DDC: variants seen among roughly 807,000 people sequenced by gnomAD.
DDC encodes the protein aromatic-L-amino-acid decarboxylase.
Under a neutral mutation model 60.0 loss-of-function variants are expected in DDC, and 43 were observed. The ratio of observed to expected loss-of-function variants is 0.72; its 90% CI spans 0.56 to 0.92. The LOEUF is 0.92. DDC is among the 40% of genes least tolerant of loss of function. DDC has a pLI of 0.00. For synonymous variants in DDC, 232 were observed against 234.6 expected (o/e 0.99, Z 0.10); for missense variants, 573 against 620.2 (o/e 0.92, Z 0.81).
rs554304255 is a variant in DDC at position 50,460,409 on chromosome 7, G to C, written c.*19-1566C>G. Among the ~76,000 whole-genome samples the C allele has an allele frequency of 9.5e-5, 14 of 147,736 alleles. 1 individual carries two copies. Among genetic ancestry groups the C allele is most frequent in the Middle Eastern group, 3.5e-3 (1 of 284 alleles). On this transcript the variant is annotated intron_variant, in intron 14 of 14. Transcript: ENST00000444124. ...CAGCCGCCCCATCCGGGAGGAAGGT[G>C]GGGGGGTCAGCCCCCTGCCCGGCCA...
chr7:50,523,932 AG>A (rs567848397), intron 6 of DDC, among the ~76,000 whole-genome samples: 41 of 152,382 alleles, frequency 2.7e-4, no homozygotes, highest in African/African-American at 9.6e-4. Flanking sequence ...GTCCTTCAAT[AG>A]ATAAATGCAT....
At chr7:50,475,381 T>TA (rs2042618225) in intron 11 of DDC, among the ~76,000 whole-genome samples, 2 of 152,198 alleles carry the variant, frequency 1.3e-5, no homozygotes, top group Non-Finnish European at 2.9e-5. Flanking sequence ...AGTGTGCCCT[T>TA]ATGTGCACAC....
intron 10 of DDC, among the ~76,000 whole-genome samples, chr7:50,477,957 T>A (rs1252269120): frequency 1.3e-5 from 2 of 152,034 alleles, no homozygotes; most frequent in African/African-American, 2.4e-5. Context: ...ATCCCAGCAC[T>A]TTGAGAGGCC....
intron 1 of DDC, among the ~76,000 whole-genome samples, chr7:50,546,411 A>G (rs1426298456): frequency 6.6e-6 from 1 of 152,184 alleles, no homozygotes; most frequent in East Asian, 1.9e-4. Flanking sequence ...GTGGAAAATT[A>G]CTAAGAGGAA....
chr7:50,504,008 C>T lies in DDC; in HGVS notation c.766G>A (p.Glu256Lys). The T allele has an allele frequency of 1.9e-6, 3 of 1,613,764 alleles. No homozygotes were observed. Among genetic ancestry groups the T allele is most frequent in the Non-Finnish European group, 2.5e-6 (3 of 1,179,610 alleles). ...TTCCSFDNLL[E>K]VGPICNKEDI... The stretch of plus-strand genomic sequence containing the variant: ...GGATACTTACAGATAGGACCGACTT[C>T]TAAGAGATTGTCAAAGGAGCAGCAT... The change falls in exon 7 of 15, where the codon GAA becomes AAA. Residue 256 changes from glutamate to lysine, a missense_variant. By Grantham distance (56) the Glu-to-Lys change is moderately conservative. Transcript: ENST00000444124.
At position 50,467,270 on chromosome 7, in the gene DDC, G is replaced by C. The variant is rs769942765; in HGVS notation, c.1186C>G (p.Pro396Ala). ...HEFESLVRQD[P>A]RFEICVEVIL... ...ACTTCCACACAGATTTCAAAGCGGG[G>C]ATCCTGGCGCACCAGTGACTCAAAC... The change falls in exon 13 of 15, where the codon CCC becomes GCC. Residue 396 changes from proline (P) to alanine (A), a missense_variant. Transcript: ENST00000444124. 1 of 1,614,218 alleles carries C rather than the reference G, an allele frequency of 6.2e-7. No homozygotes were observed.
rs1562980718 is a variant in DDC, at chr7:50,467,275, T to TGGC, written c.1178_1180dup (p.Arg393dup). 1 of 1,614,212 alleles carries TGGC rather than the reference T, an allele frequency of 6.2e-7. No homozygotes were observed. Among genetic ancestry groups the TGGC allele is most frequent in the Admixed American group, 1.7e-5 (1 of 60,028 alleles). Reference sequence around the variant, plus strand: ...CACACAGATTTCAAAGCGGGGATCCTGGCGCACCAGTGACTCAAACTCATG... The same window carrying TGGC: ...CACACAGATTTCAAAGCGGGGATCCTGGCGGCGCACCAGTGACTCAAACTCATG... On this transcript the variant is annotated inframe_insertion, in exon 13 of 15. Coordinates refer to ENST00000444124, the MANE Select transcript of DDC (RefSeq NM_001082971.2).
At chr7:50,498,988 G>A (rs11575395) in intron 8 of DDC, among the ~76,000 whole-genome samples, 160 bp downstream of exon 8, 1 of 152,224 alleles carries the variant, frequency 6.6e-6, no homozygotes, top group African/African-American at 2.4e-5. Flanking sequence ...GCTGGGGAAG[G>A]CTCTCAGCCC....
At chr7:50,545,763 G>A (rs937159667) in intron 1 of DDC, among the ~76,000 whole-genome samples, 20 of 152,134 alleles carry the variant, frequency 1.3e-4, no homozygotes, top group Admixed American at 3.9e-4. Context: ...ATGAGCCACC[G>A]CTCCCAGCCT....
intron 1 of DDC, among the ~76,000 whole-genome samples, chr7:50,548,716 T>G (rs898609429): frequency 6.6e-6 from 1 of 152,200 alleles, no homozygotes; most frequent in Non-Finnish European, 1.5e-5. Flanking sequence ...CAGCAAGTTA[T>G]CCAGAAGATC....
chr7:50,543,994 G>A lies in DDC; in HGVS notation c.92C>T (p.Pro31Leu). ...MEGIEGRQVY[P>L]DVEPGYLRPL... Reference sequence around the variant, plus strand: ...CCGCAGGTACCCGGGCTCCACGTCAGGGTAGACCTGGCGTCCCTCAATGCC... The same window carrying A: ...CCGCAGGTACCCGGGCTCCACGTCAAGGTAGACCTGGCGTCCCTCAATGCC... Residue 31 changes from proline to leucine, a missense_variant, in exon 2 of 15, where the codon CCT becomes CTT. Coordinates refer to ENST00000444124, the MANE Select transcript of DDC (RefSeq NM_001082971.2). 1 of 1,614,196 alleles carries A rather than the reference G, an allele frequency of 6.2e-7. No individual in the cohort carries two copies. The highest frequency in any genetic ancestry group is 8.5e-7 in the Non-Finnish European group (1 of 1,180,036).
At chr7:50,476,671 A>C (rs2042653400) in intron 10 of DDC, 28 bp from the exon 11 acceptor site, 1 of 1,604,596 alleles carries the variant, frequency 6.2e-7, no homozygotes, top group South Asian at 1.1e-5. Flanking sequence ...AAAAAGAAAA[A>C]AGAAATCGTT....
chr7:50,470,396 C>A (rs557011279), intron 11 of DDC, among the ~76,000 whole-genome samples: 33 of 152,344 alleles, frequency 2.2e-4, no homozygotes, highest in Non-Finnish European at 4.6e-4. Flanking sequence ...GACTGTTGAC[C>A]TGGGAGCCAG....
Position 50,499,485 on chromosome 7 carries a change from C to T in DDC, c.782-243G>A, listed in dbSNP as rs184366462. 6.6e-5 allele frequency among the ~76,000 whole-genome samples: 10 copies of T among 152,324 alleles called. No individual in the cohort carries two copies. In the East Asian group the frequency reaches 1.2e-3, roughly 18 times the overall value. ...GCCACTGCACCACTTGGTTTTCTCT[C>T]CTGACCCTGGCGGCTAAGTGTAACT... On this transcript the variant is annotated intron_variant, in intron 7 of 14. Coordinates refer to ENST00000444124, the MANE Select transcript of DDC (RefSeq NM_001082971.2).
In DDC at chr7:50,488,848, GC is replaced by G. The variant is rs1471393823; in HGVS notation, c.944+6501del. Among the ~76,000 whole-genome samples the G allele has an allele frequency of 3.3e-5, 5 of 152,112 alleles. No individual in the cohort carries two copies. The East Asian group carries it at 9.6e-4, about 29-fold the overall frequency. ...CTTTAATTTCATCTCGCTGTTTTCA[GC>G]TTTCTCTCCCCTTCAAGAGGGCCCG... On this transcript the variant is annotated intron_variant, in intron 9 of 14. Transcript: ENST00000444124.
chr7:50,549,674 A>G (rs1374806527), intron 1 of DDC, among the ~76,000 whole-genome samples: 2 of 150,648 alleles, frequency 1.3e-5, no homozygotes, highest in Non-Finnish European at 3.0e-5. Context: ...AAAAAAAAAG[A>G]ACATTTGTGA....
At chr7:50,487,871 T>C (rs1227283638) in intron 9 of DDC, among the ~76,000 whole-genome samples, 1 of 152,150 alleles carries the variant, frequency 6.6e-6, no homozygotes, top group East Asian at 1.9e-4. Flanking sequence ...TTGCTAAATA[T>C]TATAAGGTGT....
Position 50,469,998 on chromosome 7 carries a change from A to C in DDC, c.1140+75T>G, listed in dbSNP as rs563641170. The C allele has an allele frequency of 1.7e-5, 18 of 1,035,604 alleles. No individual in the cohort carries two copies. The African/African-American group carries it at 2.4e-4, about 14-fold the overall frequency. 64.2% of individuals were successfully genotyped at this position (1,035,604 alleles called of 1,614,324 possible). On this transcript the variant is annotated intron_variant, in intron 12 of 14. Transcript: ENST00000444124. ...CTGTCTCAAAAAAAAAAAAAGAAAA[A>C]AAATTTGAATTTATTTCTAAAGTCC...
At chr7:50,528,313 A>G (rs543436897) in intron 5 of DDC, 33 bp from the exon 6 acceptor site, 3 of 1,613,526 alleles carry the variant, frequency 1.9e-6, no homozygotes, top group African/African-American at 1.3e-5. Context: ...GGATTTGTAC[A>G]GGTGTGTGCA....
Sources: allele counts gnomAD v4.1 joint callset (sites outside exome capture counted in the v4.1 genomes callset), GRCh38; gene constraint gnomAD v4.1.1; transcripts MANE v1.5; gene names NCBI Gene and HGNC (gene_info 2026-07-23, HGNC 2026-07-21).